MRNIP: variants seen among roughly 807,000 people sequenced by gnomAD.
MRNIP encodes the protein MRN complex-interacting protein.
A neutral mutation model predicts 29.8 loss-of-function variants in MRNIP; 30 were observed. The observed-to-expected ratio is 1.01, with a 90% CI of 0.75 to 1.36. MRNIP has a LOEUF of 1.36. Among genes scored for constraint, MRNIP ranks in the 40% most tolerant of loss-of-function variants. The pLI is 0.00. For synonymous variants in MRNIP, 201 were observed against 164.1 expected (o/e 1.23, Z -1.72); for missense variants, 459 against 423.5 (o/e 1.08, Z -0.74).
In MRNIP at chr5:179,837,751, G is replaced by T. The variant is rs1473168719; in HGVS notation, c.672C>A (p.Ala224=). The T allele has an allele frequency of 6.2e-7, 1 of 1,614,258 alleles. No individual in the cohort carries two copies. The highest frequency in any genetic ancestry group is 1.3e-5 in the African/African-American group (1 of 75,074). The change falls in exon 7 of 7, where the codon GCC becomes GCA. Residue 224 remains alanine, a synonymous_variant. Coordinates refer to ENST00000292586, the MANE Select transcript of MRNIP (RefSeq NM_016175.4). The stretch of plus-strand genomic sequence containing the variant: ...CAAATTGCGCCCATTTAGAGGATGT[G>T]GCTGTAACCTGCTGGATGGGACTCC... ...ELWSPIQQVT[A]TSSKWAQFVL...
At chr5:179,839,823 G>C (rs1758799145) in intron 6 of MRNIP, 1 of 152,404 alleles carries the variant, frequency 6.6e-6, no homozygotes, top group African/African-American at 2.4e-5. Flanking sequence ...GGGCCTGCTG[G>C]ACTGGAAGCT....
intron 2 of MRNIP, chr5:179,853,127 T>C (rs1019692496): frequency 1.9e-6 from 2 of 1,049,400 alleles, no homozygotes; most frequent in African/African-American, 3.2e-5. Context: ...CTTTCCACTG[T>C]TCCCCTTGTG....
chr5:179,841,818 G>A, intron 5 of MRNIP, 89 bp downstream of exon 5: 1 of 1,400,190 alleles, frequency 7.1e-7, no homozygotes, highest in Non-Finnish European at 9.8e-7. Context: ...TCCCGCGCTT[G>A]GCTGACGCTC....
intron 1 of MRNIP, among the ~76,000 whole-genome samples, chr5:179,857,597 G>A (rs1759648449): frequency 6.6e-6 from 1 of 152,160 alleles, no homozygotes; most frequent in Non-Finnish European, 1.5e-5. Flanking sequence ...CCCAGCTCCC[G>A]AAAGAAAATA....
intron 4 of MRNIP, among the ~76,000 whole-genome samples, chr5:179,842,564 A>G (rs1193347045): frequency 2.7e-5 from 4 of 149,906 alleles, no homozygotes; most frequent in South Asian, 2.1e-4. Context: ...GCCGGGCGTG[A>G]TGGCAGGCAC....
chr5:179,839,636 G>C (rs886114069), intron 6 of MRNIP: 1 of 152,320 alleles, frequency 6.6e-6, no homozygotes, highest in Non-Finnish European at 1.5e-5. Context: ...TCTGCTTCTT[G>C]GCATGAGCCA....
intron 3 of MRNIP, chr5:179,844,430 C>A: frequency 2.1e-6 from 1 of 487,408 alleles, no homozygotes; most frequent in Non-Finnish European, 3.7e-6. Flanking sequence ...TGTTTGAACC[C>A]GGAAGGCAGA....
chr5:179,842,038 G>A lies in MRNIP; in HGVS notation c.318C>T (p.Arg106=). ...QQEKSQPSES[R]WLKYLEKDSQ... ...AGTCCTTTTCTAGATACTTCAGCCAGCGACTCTCTGAGGGCTGCGATTTTT... is the reference window on the plus strand; with the variant it reads ...AGTCCTTTTCTAGATACTTCAGCCAACGACTCTCTGAGGGCTGCGATTTTT... Residue 106 remains arginine, a synonymous_variant, in exon 5 of 7, where the codon CGC becomes CGT. Transcript: ENST00000292586. 1 of 1,614,098 alleles carries A rather than the reference G, an allele frequency of 6.2e-7. No individual in the cohort carries two copies.
intron 6 of MRNIP, 154 bp from the exon 7 acceptor site, chr5:179,838,039 G>A: frequency 3.0e-6 from 2 of 670,040 alleles, no homozygotes; most frequent in Non-Finnish European, 5.0e-6. Flanking sequence ...TTGAGGGTTA[G>A]CAAGACAAAG....
In MRNIP at chr5:179,853,390, C is replaced by T; in HGVS notation, c.114G>A (p.Gln38=). The change falls in exon 2 of 7, where the codon CAG becomes CAA. Residue 38 remains glutamine, a synonymous_variant. Coordinates refer to ENST00000292586, the MANE Select transcript of MRNIP (RefSeq NM_016175.4). Reference sequence around the variant, plus strand: ...TTGTAGGACTCACCTGCAAAAAGGACTGCTTCTCTCCACAAGCTTTGCATG... The same window carrying T: ...TTGTAGGACTCACCTGCAAAAAGGATTGCTTCTCTCCACAAGCTTTGCATG... ...KWTCKACGEK[Q]SFLQAYGEGS... is the part of the protein sequence containing the mutation. 1 of 1,613,294 alleles carries T rather than the reference C, an allele frequency of 6.2e-7. No individual in the cohort carries two copies. The highest frequency in any genetic ancestry group is 8.5e-7 in the Non-Finnish European group (1 of 1,179,776).
chr5:179,857,270 G>C (rs1300457969), intron 1 of MRNIP, among the ~76,000 whole-genome samples: 1 of 151,898 alleles, frequency 6.6e-6, no homozygotes, highest in African/African-American at 2.4e-5. Context: ...AGACCTTCCT[G>C]GTCAACATGG....
chr5:179,844,374 G>A, intron 3 of MRNIP, 147 bp from the exon 4 acceptor site: 1 of 621,884 alleles, frequency 1.6e-6, no homozygotes, highest in Non-Finnish European at 2.9e-6. Context: ...CGAACACGGT[G>A]GTGCATACCT....
At chr5:179,841,105 C>T (rs972021271) in intron 5 of MRNIP, 146 bp from the exon 6 acceptor site, 15 of 603,326 alleles carry the variant, frequency 2.5e-5, no homozygotes, top group African/African-American at 7.4e-5. Context: ...GTCCAGCCAC[C>T]GCCCAGGCCC....
At chr5:179,842,608 G>A (rs1176604283) in intron 4 of MRNIP, among the ~76,000 whole-genome samples, 4 of 147,708 alleles carry the variant, frequency 2.7e-5, no homozygotes, top group Admixed American at 6.8e-5. Flanking sequence ...GCTGAGGCAG[G>A]AGAATGGTGT....
intron 3 of MRNIP, among the ~76,000 whole-genome samples, chr5:179,845,191 G>A (rs1380543629): frequency 4.7e-5 from 7 of 150,042 alleles, no homozygotes; most frequent in African/African-American, 1.3e-4. Context: ...CGTGTCCACT[G>A]AATTTTTAAT....
chr5:179,841,618 G>T, intron 5 of MRNIP: 1 of 372,718 alleles, frequency 2.7e-6, no homozygotes, highest in Non-Finnish European at 4.8e-6. Flanking sequence ...CAGCTACTCC[G>T]ACCTCTCCCC....
chr5:179,843,745 A>G (rs977635963), intron 4 of MRNIP, among the ~76,000 whole-genome samples: 21 of 152,046 alleles, frequency 1.4e-4, no homozygotes, highest in Non-Finnish European at 1.5e-5. Context: ...GTTTCAGAGA[A>G]AAAAAACAAA....
At chr5:179,838,049 G>A in intron 6 of MRNIP, 164 bp from the exon 7 acceptor site, 3 of 638,606 alleles carry the variant, frequency 4.7e-6, no homozygotes, top group Non-Finnish European at 5.4e-6. Context: ...GCAAGACAAA[G>A]CAAATAAATG....
At chr5:179,848,718 C>A (rs893597252) in intron 2 of MRNIP, among the ~76,000 whole-genome samples, 2 of 152,158 alleles carry the variant, frequency 1.3e-5, no homozygotes, top group Admixed American at 6.5e-5. Context: ...AAGAGCATAC[C>A]GTTTTACATA....
Sources: allele counts gnomAD v4.1 joint callset (sites outside exome capture counted in the v4.1 genomes callset), GRCh38; gene constraint gnomAD v4.1.1; transcripts MANE v1.5; gene names NCBI Gene and HGNC (gene_info 2026-07-23, HGNC 2026-07-21).